FERMT2: variants seen among roughly 807,000 people sequenced by gnomAD.
The protein encoded by FERMT2 is FERM domain containing kindlin 2.
A neutral mutation model predicts 82.7 loss-of-function variants in FERMT2; 15 were observed. The ratio of observed to expected loss-of-function variants is 0.18; its 90% CI spans 0.12 to 0.28. The LOEUF is 0.28. FERMT2 is among the 10% of genes least tolerant of loss of function. FERMT2 has a pLI of 1.00. For missense variants in FERMT2, 645 were observed against 809.4 expected (o/e 0.80, Z 2.46); for synonymous variants, 274 against 271.5 (o/e 1.01, Z -0.09).
intron 2 of FERMT2, among the ~76,000 whole-genome samples, chr14:52,949,120 T>C (rs1172251552): frequency 2.0e-5 from 3 of 152,174 alleles, no homozygotes; most frequent in Non-Finnish European, 4.4e-5. Context: ...TCCTGAGCTG[T>C]ATCTCAGGGA....
intron 3 of FERMT2, among the ~76,000 whole-genome samples, chr14:52,897,792 C>A (rs1432021909): frequency 6.6e-6 from 1 of 151,954 alleles, no homozygotes; most frequent in Non-Finnish European, 1.5e-5. Flanking sequence ...GCCTGGCCAA[C>A]ATGGTGAAAC....
intron 3 of FERMT2, among the ~76,000 whole-genome samples, chr14:52,912,195 G>T (rs1013340008): frequency 6.6e-6 from 1 of 152,066 alleles, no homozygotes; most frequent in Non-Finnish European, 1.5e-5. Context: ...TGTGCCCTTG[G>T]TATCTGCTCC....
intron 2 of FERMT2, among the ~76,000 whole-genome samples, chr14:52,948,778 A>G (rs1890479119): frequency 1.3e-5 from 2 of 152,232 alleles, no homozygotes; most frequent in South Asian, 2.1e-4. Flanking sequence ...TTCGAGAACT[A>G]CAAGTTGTCT....
chr14:52,883,918 A>C (rs1886435901), intron 4 of FERMT2, among the ~76,000 whole-genome samples: 1 of 152,112 alleles, frequency 6.6e-6, no homozygotes, highest in South Asian at 2.1e-4. Flanking sequence ...TGTAATTGTA[A>C]GTTTCCTGAG....
At chr14:52,905,965 A>G (rs991932671) in intron 3 of FERMT2, among the ~76,000 whole-genome samples, 1 of 152,154 alleles carries the variant, frequency 6.6e-6, no homozygotes, top group Admixed American at 6.5e-5. Context: ...AACTTGATTT[A>G]CTCTCCTGTT....
intron 3 of FERMT2, among the ~76,000 whole-genome samples, chr14:52,902,517 C>A (rs1441330640): frequency 6.6e-6 from 1 of 151,796 alleles, no homozygotes; most frequent in Non-Finnish European, 1.5e-5. Flanking sequence ...ATAAAGTCCA[C>A]AAATCTTAAA....
chr14:52,878,541 C>T lies in FERMT2; in HGVS notation c.963+41G>A, dbSNP rs939056741. On this transcript the variant is annotated intron_variant, in intron 7 of 14. Transcript: ENST00000341590. ...TACTGTTTAAAAATACCTCCCTACCCTTTACCGGAATAAGTCCCATTTACT... is the reference window on the plus strand; with the variant it reads ...TACTGTTTAAAAATACCTCCCTACCTTTTACCGGAATAAGTCCCATTTACT... 3.2e-6 allele frequency: 4 copies of T among 1,232,428 alleles called. No individual in the cohort carries two copies. The African/African-American group carries it at 5.9e-5, about 18-fold the overall frequency. The allele number at this position is 1,232,428 out of a possible 1,614,324, so 76.3% of individuals were successfully genotyped here. A position where few individuals can be genotyped will look rare whatever the true frequency, so the allele number is the denominator to read the frequency against.
chr14:52,888,480 G>A (rs533874905), intron 4 of FERMT2, among the ~76,000 whole-genome samples: 1 of 152,268 alleles, frequency 6.6e-6, no homozygotes, highest in Admixed American at 6.5e-5. Context: ...GCAAAATTTA[G>A]TAAGTTCTGG....
In FERMT2 at chr14:52,886,372, CTCTGT is replaced by C. The variant is rs1161900822; in HGVS notation, c.527-4908_527-4904del. 6.8e-4 allele frequency among the ~76,000 whole-genome samples: 104 copies of C among 151,912 alleles called. 3 individuals are homozygous for C. Among genetic ancestry groups the C allele is most frequent in the Non-Finnish European group, 1.5e-4 (10 of 67,980 alleles). On this transcript the variant is annotated intron_variant, in intron 4 of 14. Transcript: ENST00000341590. ...GTATTTTTTTAGAGACAGGGTCTTG[CTCTGT>C]TGCCCAGGCTGGAATGCAGCAGTGT... is the stretch of plus-strand genomic sequence containing the variant.
intron 8 of FERMT2, 77 bp downstream of exon 8, chr14:52,875,146 A>G: frequency 7.9e-7 from 1 of 1,261,970 alleles, no homozygotes; most frequent in Non-Finnish European, 1.1e-6. Flanking sequence ...ACCCCCAAAT[A>G]CTTTGAACCT....
At chr14:52,918,072 C>T (rs891604406) in intron 3 of FERMT2, among the ~76,000 whole-genome samples, 2 of 152,164 alleles carry the variant, frequency 1.3e-5, no homozygotes, top group African/African-American at 2.4e-5. Flanking sequence ...GCAGCATTTG[C>T]TCTAAGAGTG....
intron 2 of FERMT2, among the ~76,000 whole-genome samples, chr14:52,940,524 T>G (rs779730187): frequency 6.6e-6 from 1 of 152,160 alleles, no homozygotes; most frequent in Non-Finnish European, 1.5e-5. Flanking sequence ...TCCACAAGAG[T>G]ATGGCTGTAG....
chr14:52,860,103 C>T, intron 13 of FERMT2: 1 of 409,190 alleles, frequency 2.4e-6, no homozygotes, highest in Non-Finnish European at 4.3e-6. Context: ...AGGCGTGAGC[C>T]ACCGTGCCTG....
chr14:52,948,586 T>TA (rs1278337703), intron 2 of FERMT2: 1 of 455,544 alleles, frequency 2.2e-6, no homozygotes, highest in African/African-American at 2.0e-5. Flanking sequence ...TTTCTCTGCA[T>TA]AAAAAATTAA....
chr14:52,946,695 T>G (rs563437200), intron 2 of FERMT2, among the ~76,000 whole-genome samples: 2 of 152,230 alleles, frequency 1.3e-5, no homozygotes, highest in Non-Finnish European at 2.9e-5. Flanking sequence ...CTTTTTTTTT[T>G]TGAGGCGGAG....
chr14:52,867,744 C>G (rs973571440), intron 10 of FERMT2, among the ~76,000 whole-genome samples: 1 of 152,120 alleles, frequency 6.6e-6, no homozygotes, highest in Non-Finnish European at 1.5e-5. Context: ...CTCATCTTTC[C>G]CCCCAAACCC....
intron 3 of FERMT2, among the ~76,000 whole-genome samples, chr14:52,904,302 A>C (rs553818662): frequency 2.0e-5 from 3 of 152,188 alleles, no homozygotes; most frequent in Non-Finnish European, 4.4e-5. Flanking sequence ...GGATCACCTG[A>C]GGTCAGGAGT....
intron 2 of FERMT2, among the ~76,000 whole-genome samples, chr14:52,944,909 T>C (rs975458890): frequency 6.6e-6 from 1 of 152,100 alleles, no homozygotes; most frequent in African/African-American, 2.4e-5. Flanking sequence ...TCTTTTTCTT[T>C]TTTTTTTGGA....
chr14:52,900,719 G>C (rs1322521819), intron 3 of FERMT2, among the ~76,000 whole-genome samples: 1 of 151,948 alleles, frequency 6.6e-6, no homozygotes, highest in Non-Finnish European at 1.5e-5. Flanking sequence ...ACAGAAAACA[G>C]ATAGACTACC....
Sources: allele counts gnomAD v4.1 joint callset (sites outside exome capture counted in the v4.1 genomes callset), GRCh38; gene constraint gnomAD v4.1.1; transcripts MANE v1.5; gene names NCBI Gene and HGNC (gene_info 2026-07-23, HGNC 2026-07-21).